REV1: variants seen among roughly 807,000 people sequenced by gnomAD.
REV1 encodes the protein translesion synthesis protein REV1.
A neutral mutation model predicts 137.4 loss-of-function variants in REV1; 42 were observed. The ratio of observed to expected loss-of-function variants is 0.31; its 90% confidence interval spans 0.24 to 0.40. The LOEUF is 0.40. Ranked by LOEUF, REV1 falls within the 10% of genes least tolerant of loss-of-function variation. The pLI is 1.00. For missense variants in REV1, 1,282 were observed against 1,490.1 expected (o/e 0.86, Z 2.30); for synonymous variants, 524 against 519.2 (o/e 1.01, Z -0.12).
Position 99,418,862 on chromosome 2 carries a change from A to C in REV1, c.1917T>G (p.Asp639Glu). Residue 639 changes from aspartate (D) to glutamate (E), a missense_variant, in exon 12 of 23, where the codon GAT becomes GAG. Asp to Glu is a conservative substitution (Grantham distance 45, BLOSUM62 2). Transcript: ENST00000258428. ...TGGTCACTAGCTGGCCTCTGATAAA[A>C]TCATCTACTTCTTCTGGTTTTAGGT... ...QYHLKPEEVD[D>E]FIRGQLVTNL... 6.2e-7 allele frequency: 1 copy of C among 1,613,074 alleles called. No individual in the cohort carries two copies. The highest frequency in any genetic ancestry group is 8.5e-7 in the Non-Finnish European group (1 of 1,179,172).
intron 17 of REV1, among the ~76,000 whole-genome samples, 175 bp from the exon 18 acceptor site, chr2:99,404,852 G>A (rs528097590): frequency 6.6e-5 from 10 of 152,140 alleles, no homozygotes; most frequent in Non-Finnish European, 1.3e-4. Context: ...GAACGTCTTG[G>A]CCTTTTGTCA....
At position 99,489,975 on chromosome 2, in the gene REV1, C is replaced by T. The variant is rs969214113; in HGVS notation, c.-169G>A. The T allele has an allele frequency of 6.7e-6, 1 of 150,044 alleles. No individual in the cohort carries two copies. Among genetic ancestry groups the T allele is most frequent in the Admixed American group, 6.6e-5 (1 of 15,094 alleles). 9.3% of individuals were successfully genotyped at this position (150,044 alleles called of 1,614,324 possible). ...AGCAGCGCCGCGGTCCACGCTCCCC[C>T]ACGCTCGCGGCAACCAACCCCGCGC... On this transcript the variant is annotated 5_prime_UTR_variant, in exon 1 of 23. Coordinates refer to ENST00000258428, the MANE Select transcript of REV1 (RefSeq NM_016316.4).
Position 99,424,318 on chromosome 2 carries a change from G to A in REV1, c.1548-38C>T, listed in dbSNP as rs759747955. ...CAAAACACAATGGAGGTTATTCTAGGAAGTTTTCAACTCAAATATTTATCA... is the reference window on the plus strand; with the variant it reads ...CAAAACACAATGGAGGTTATTCTAGAAAGTTTTCAACTCAAATATTTATCA... On this transcript the variant is annotated intron_variant, in intron 9 of 22. Coordinates refer to ENST00000258428, the MANE Select transcript of REV1 (RefSeq NM_016316.4). 1.1e-5 allele frequency: 17 copies of A among 1,591,574 alleles called. No individual in the cohort carries two copies. The African/African-American group carries it at 2.3e-4, about 22-fold the overall frequency.
intron 12 of REV1, among the ~76,000 whole-genome samples, chr2:99,415,842 A>G (rs1300637457): frequency 6.6e-6 from 1 of 152,288 alleles, no homozygotes; most frequent in Middle Eastern, 3.2e-3. Context: ...TGAAGAGTGC[A>G]TGCGCAGGTA....
chr2:99,427,075 G>C (rs1042555665), intron 9 of REV1, among the ~76,000 whole-genome samples: 1 of 152,052 alleles, frequency 6.6e-6, no homozygotes, highest in Admixed American at 6.5e-5. Context: ...CCAGCTACTC[G>C]GGAGGCTGAG....
intron 12 of REV1, 74 bp downstream of exon 12, chr2:99,418,754 C>T: frequency 7.3e-7 from 1 of 1,370,842 alleles, no homozygotes; most frequent in South Asian, 1.5e-5. Context: ...AGAGGTCTCA[C>T]AGTTCTATAT....
rs1678679819 is a variant in REV1, at chr2:99,421,593, G to C, written c.1737C>G (p.Ile579Met). 1 of 1,613,976 alleles carries C rather than the reference G, an allele frequency of 6.2e-7. No individual in the cohort carries two copies. Among genetic ancestry groups the C allele is most frequent in the Non-Finnish European group, 8.5e-7 (1 of 1,180,000 alleles). Residue 579 changes from isoleucine to methionine, a missense_variant, in exon 11 of 23, where the codon ATC becomes ATG. Transcript: ENST00000258428. The stretch of plus-strand genomic sequence containing the variant: ...CAGGAGTAAGTTTGGTCTCTGCAAG[G>C]ATTTCGGTAATGTCTACCAGCGCTT... Reference protein sequence around the residue: ...CDEALVDITEILAETKLTPDE... With the variant: ...CDEALVDITEMLAETKLTPDE...
Position 99,403,699 on chromosome 2 carries a change from T to A in REV1, c.3162A>T (p.Ala1054=). The change falls in exon 19 of 23, where the codon GCA becomes GCT. Residue 1054 remains alanine, a synonymous_variant. Coordinates refer to ENST00000258428, the MANE Select transcript of REV1 (RefSeq NM_016316.4). The part of the protein sequence containing the change: ...ENSTHQQSAS[A]SVPKNPLLHL... ...CATGCCACTTCCAAGGCTCACCAGA[T>A]GCGCTGGCTGACTGCTGGTGAGTGC... 6.2e-7 allele frequency: 1 copy of A among 1,614,212 alleles called. No individual in the cohort carries two copies. The highest frequency in any genetic ancestry group is 8.5e-7 in the Non-Finnish European group (1 of 1,180,030).
intron 3 of REV1, among the ~76,000 whole-genome samples, chr2:99,453,709 A>G (rs1353948111): frequency 6.6e-6 from 1 of 151,860 alleles, no homozygotes; most frequent in African/African-American, 2.4e-5. Flanking sequence ...CCTGGCCAAC[A>G]TGATGAAACC....
At chr2:99,476,062 A>G (rs1351992283) in intron 1 of REV1, among the ~76,000 whole-genome samples, 1 of 152,230 alleles carries the variant, frequency 6.6e-6, no homozygotes. Context: ...ACAAACACAT[A>G]CATATTATGC....
intron 1 of REV1, among the ~76,000 whole-genome samples, chr2:99,483,062 A>G (rs1329335633): frequency 1.3e-5 from 2 of 151,750 alleles, no homozygotes. Context: ...TCTTTAAGAT[A>G]TTGAAGAAGA....
In REV1 at chr2:99,404,674, C is replaced by T. The variant is rs1676024379; in HGVS notation, c.2815G>A (p.Asp939Asn). The T allele has an allele frequency of 1.9e-6, 3 of 1,608,630 alleles. No homozygotes were observed. The highest frequency in any genetic ancestry group is 2.2e-5 in the East Asian group (1 of 44,848). ...GGAAGTGCTTCTAAAACAGACTGAT[C>T]CAGCTATAAAATGCCAAACATATGA... ...SIEVPSPSQL[D>N]QSVLEALPPD... The change falls in exon 18 of 23, where the codon GAT becomes AAT. Residue 939 changes from aspartate (D) to asparagine (N), a missense_variant. Transcript: ENST00000258428.
chr2:99,415,251 C>T (rs1004450663), intron 12 of REV1, among the ~76,000 whole-genome samples: 3 of 152,052 alleles, frequency 2.0e-5, no homozygotes, highest in African/African-American at 7.2e-5. Flanking sequence ...AGGGGGGCTC[C>T]GGGCCCAAAG....
intron 4 of REV1, 131 bp downstream of exon 4, chr2:99,449,205 C>A: frequency 2.7e-6 from 1 of 366,836 alleles, no homozygotes; most frequent in Non-Finnish European, 4.4e-6. Flanking sequence ...GTTGAGGCTG[C>A]AGTGAGCCAT....
chr2:99,488,148 ATATAT>A (rs1340213119), intron 1 of REV1, among the ~76,000 whole-genome samples: 1 of 118,792 alleles, frequency 8.4e-6, no homozygotes, highest in Admixed American at 1.1e-4. Context: ...GCTTTCAAAT[ATATAT>A]TATATGTAGT....
intron 12 of REV1, among the ~76,000 whole-genome samples, chr2:99,413,644 C>G (rs747881478): frequency 1.3e-5 from 2 of 152,094 alleles, no homozygotes; most frequent in East Asian, 1.9e-4. Context: ...CAAGATGTAA[C>G]GTTTGAGCCC....
intron 3 of REV1, among the ~76,000 whole-genome samples, chr2:99,451,893 C>G (rs1682964628): frequency 6.6e-6 from 1 of 152,054 alleles, no homozygotes; most frequent in Admixed American, 6.6e-5. Flanking sequence ...TTTGTCAGGT[C>G]CAACAGGCTG....
At chr2:99,471,571 A>G (rs928773575) in intron 1 of REV1, among the ~76,000 whole-genome samples, 3 of 152,180 alleles carry the variant, frequency 2.0e-5, no homozygotes, top group African/African-American at 7.2e-5. Context: ...GACTACATAA[A>G]AATTTAAAAC....
intron 3 of REV1, among the ~76,000 whole-genome samples, chr2:99,461,538 C>T (rs569105010): frequency 6.6e-6 from 1 of 152,280 alleles, no homozygotes; most frequent in East Asian, 1.9e-4. Context: ...CAGGTATCAG[C>T]CAGCTGAGAA....
Sources: allele counts gnomAD v4.1 joint callset (sites outside exome capture counted in the v4.1 genomes callset), GRCh38; gene constraint gnomAD v4.1.1; transcripts MANE v1.5; gene names NCBI Gene and HGNC (gene_info 2026-07-23, HGNC 2026-07-21).